The following DLGAP2 variants were observed in gnomAD, a reference collection of about 807,000 sequenced individuals.
DLGAP2 encodes the protein disks large-associated protein 2.
Under a neutral mutation model 100.3 loss-of-function variants are expected in DLGAP2, and 26 were observed. The ratio of observed to expected loss-of-function variants is 0.26; its 90% CI spans 0.19 to 0.36. The LOEUF (loss-of-function observed/expected upper bound fraction) is 0.36. Ranked by LOEUF, DLGAP2 falls within the 10% of genes least tolerant of loss-of-function variation. The pLI is 1.00. For missense variants in DLGAP2, 1,858 were observed against 1,453.2 expected (o/e 1.28, Z -4.53); for synonymous variants, 886 against 630.1 (o/e 1.41, Z -6.08).
intron 1 of DLGAP2, among the ~76,000 whole-genome samples, chr8:869,335 C>G (rs746081267): frequency 3.3e-5 from 5 of 152,200 alleles, no homozygotes; most frequent in Non-Finnish European, 7.3e-5. Flanking sequence ...GTTTCCGTTA[C>G]AAGAGTCACG....
At chr8:1,622,730 A>C (rs183855081) in intron 6 of DLGAP2, among the ~76,000 whole-genome samples, 2 of 152,344 alleles carry the variant, frequency 1.3e-5, no homozygotes, top group East Asian at 1.9e-4. Context: ...TTTAAAAAAA[A>C]ATTCTGAGCT....
At chr8:1,697,027 A>T (rs1799414977) in intron 13 of DLGAP2, 120 bp from the exon 14 acceptor site, 1 of 1,096,266 alleles carries the variant, frequency 9.1e-7, no homozygotes, top group Admixed American at 3.6e-5. Context: ...CTCAGGCTGG[A>T]ATTAGCCAGG....
chr8:1,599,763 G>C (rs1796568038), intron 6 of DLGAP2, among the ~76,000 whole-genome samples: 1 of 152,114 alleles, frequency 6.6e-6, no homozygotes, highest in African/African-American at 2.4e-5. Context: ...GAGCCTATGT[G>C]TGTCTTTGTA....
intron 3 of DLGAP2, among the ~76,000 whole-genome samples, chr8:1,351,603 C>A (rs1164644119): frequency 5.4e-5 from 2 of 36,794 alleles, no homozygotes; most frequent in African/African-American, 7.9e-5. Context: ...GCGCGTCCTG[C>A]GTGTGGCGTG....
intron 2 of DLGAP2, among the ~76,000 whole-genome samples, chr8:1,213,146 C>G (rs1210819452): frequency 6.6e-6 from 1 of 152,136 alleles, no homozygotes; most frequent in African/African-American, 2.4e-5. Flanking sequence ...ATCCTCAAGT[C>G]ACGTCATGAT....
At chr8:1,651,371 C>T (rs1350141490) in intron 8 of DLGAP2, among the ~76,000 whole-genome samples, 3 of 152,164 alleles carry the variant, frequency 2.0e-5, no homozygotes, top group African/African-American at 2.4e-5. Context: ...TTCCAAATCC[C>T]GAGGTTCCTG....
At chr8:1,129,987 T>G (rs544784766) in intron 2 of DLGAP2, among the ~76,000 whole-genome samples, 3 of 152,306 alleles carry the variant, frequency 2.0e-5, no homozygotes, top group Non-Finnish European at 2.9e-5. Flanking sequence ...CAGTTCTAAT[T>G]CTAATCATGG....
intron 5 of DLGAP2, among the ~76,000 whole-genome samples, chr8:1,551,749 C>A (rs759841674): frequency 6.6e-6 from 1 of 152,168 alleles, no homozygotes; most frequent in Non-Finnish European, 1.5e-5. Context: ...CAGACAGATA[C>A]AACTGTAAAT....
At chr8:1,607,846 G>GT (rs1796856190) in intron 6 of DLGAP2, among the ~76,000 whole-genome samples, 1 of 150,906 alleles carries the variant, frequency 6.6e-6, no homozygotes, top group Non-Finnish European at 1.5e-5. Flanking sequence ...TTAAAAAACG[G>GT]CGCACCACGA....
intron 6 of DLGAP2, among the ~76,000 whole-genome samples, chr8:1,582,214 C>G (rs1267259584): frequency 7.1e-6 from 1 of 141,804 alleles, no homozygotes; most frequent in African/African-American, 2.9e-5. Context: ...CATGTACACA[C>G]CACAGTCAAA....
intron 3 of DLGAP2, among the ~76,000 whole-genome samples, chr8:1,298,131 A>G (rs1800234488): frequency 1.3e-5 from 2 of 150,702 alleles, no homozygotes; most frequent in Non-Finnish European, 3.0e-5. Flanking sequence ...GTCAACAGAC[A>G]CCACGTGAGA....
At chr8:1,020,820 C>G (rs909349823) in intron 2 of DLGAP2, among the ~76,000 whole-genome samples, 5 of 152,210 alleles carry the variant, frequency 3.3e-5, no homozygotes, top group Non-Finnish European at 7.3e-5. Context: ...GGCTTTACGG[C>G]TCCAGAGACT....
At chr8:1,600,773 G>C (rs2977217) in intron 6 of DLGAP2, among the ~76,000 whole-genome samples, 46,182 of 152,004 alleles carry the variant, frequency 0.3, 7,278 homozygotes, top group East Asian at 0.5. Flanking sequence ...AGCAATTCCT[G>C]TAACCTTTTT....
intron 2 of DLGAP2, among the ~76,000 whole-genome samples, chr8:1,227,021 G>T (rs1450486664): frequency 6.6e-6 from 1 of 150,546 alleles, no homozygotes; most frequent in Non-Finnish European, 1.5e-5. Context: ...TACCCAAAGG[G>T]AACAAAATCA....
At position 1,512,435 on chromosome 8, in the gene DLGAP2, C is replaced by T. The variant is rs202199534; in HGVS notation, c.172+11004C>T. On this transcript the variant is annotated intron_variant, in intron 4 of 14. Coordinates refer to ENST00000637795, the MANE Select transcript of DLGAP2 (RefSeq NM_001346810.2). Reference sequence around the variant, plus strand: ...ATAGGGACGGGGCCAGCGTGGGTGTCAGCCGTGGGTGTGGCAGTTCCGCAC... The same window carrying T: ...ATAGGGACGGGGCCAGCGTGGGTGTTAGCCGTGGGTGTGGCAGTTCCGCAC... Among the ~76,000 whole-genome samples, 10 of 152,260 alleles carry T rather than the reference C, an allele frequency of 6.6e-5. No homozygotes were observed. The East Asian group carries it at 1.4e-3, about 21-fold the overall frequency.
At chr8:1,628,022 C>T in intron 7 of DLGAP2, among the ~76,000 whole-genome samples, 1 of 127,678 alleles carries the variant, frequency 7.8e-6, no homozygotes, top group Non-Finnish European at 1.6e-5. Context: ...CACATTCTGT[C>T]TGACTTACTG....
chr8:747,119 A>G (rs1048653072), intron 1 of DLGAP2, among the ~76,000 whole-genome samples: 4 of 151,558 alleles, frequency 2.6e-5, no homozygotes, highest in African/African-American at 7.3e-5. Context: ...GCGACACTGG[A>G]AAGCCGGCCT....
chr8:925,354 T>A (rs983050668), intron 2 of DLGAP2, among the ~76,000 whole-genome samples: 1 of 152,166 alleles, frequency 6.6e-6, no homozygotes, highest in Non-Finnish European at 1.5e-5. Context: ...ATTCTAGGGC[T>A]TAAGCGATCC....
intron 1 of DLGAP2, among the ~76,000 whole-genome samples, chr8:834,980 G>A (rs1796845804): frequency 6.6e-6 from 1 of 152,240 alleles, no homozygotes; most frequent in African/African-American, 2.4e-5. Flanking sequence ...GTGTGTGCAT[G>A]TATGTTAGTG....
Sources: allele counts gnomAD v4.1 joint callset (sites outside exome capture counted in the v4.1 genomes callset), GRCh38; gene constraint gnomAD v4.1.1; transcripts MANE v1.5; gene names NCBI Gene and HGNC (gene_info 2026-07-23, HGNC 2026-07-21).